PCDHGB7: variants seen among roughly 807,000 people sequenced by gnomAD.
PCDHGB7 encodes protocadherin gamma subfamily B, 7.
A neutral mutation model predicts 61.4 loss-of-function variants in PCDHGB7; 37 were observed. The ratio of observed to expected loss-of-function variants is 0.60; its 90% CI spans 0.46 to 0.79. The LOEUF is 0.79. Ranked by LOEUF, PCDHGB7 falls within the 30% of genes least tolerant of loss-of-function variation. PCDHGB7 has a pLI of 0.00. For synonymous variants in PCDHGB7, 464 were observed against 503.5 expected (o/e 0.92, Z 1.05); for missense variants, 1,166 against 1,202.5 (o/e 0.97, Z 0.45).
chr5:141,492,602 C>G (rs1352851783), intron 1 of PCDHGB7, among the ~76,000 whole-genome samples: 2 of 152,222 alleles, frequency 1.3e-5, no homozygotes, highest in Non-Finnish European at 2.9e-5. Flanking sequence ...GAGCGACTGC[C>G]GCTCTAAGTG....
rs745596534 is a variant in PCDHGB7 at position 141,419,738 on chromosome 5, C to T, written c.1879C>T (p.Arg627Cys). 1.2e-6 allele frequency: 2 copies of T among 1,613,796 alleles called. No individual in the cohort carries two copies. Among genetic ancestry groups the T allele is most frequent in the Non-Finnish European group, 1.7e-6 (2 of 1,179,856 alleles). ...CCTGGGGCTGCGAACAGGCGAGGTG[C>T]GCATGGTGCGTGCTTTGGGTGACAA... ...FSLGLRTGEVRMVRALGDKDS... is the reference protein window; with the variant it reads ...FSLGLRTGEVCMVRALGDKDS... The change falls in exon 1 of 4, where the codon CGC (arginine) becomes TGC (cysteine). Residue 627 changes from arginine (R) to cysteine (C), a missense_variant. By Grantham distance (180) the Arg-to-Cys change is radical (BLOSUM62 -3). Coordinates refer to ENST00000398594, the MANE Select transcript of PCDHGB7 (RefSeq NM_018927.4).
In PCDHGB7 at chr5:141,510,929, C is replaced by T. The variant is rs1238694958; in HGVS notation, c.2564-18C>T. The T allele has an allele frequency of 3.1e-6, 5 of 1,613,988 alleles. No homozygotes were observed. The highest frequency in any genetic ancestry group is 4.2e-6 in the Non-Finnish European group (5 of 1,179,988). On this transcript the variant is annotated intron_variant, in intron 3 of 3. Coordinates refer to ENST00000398594, the MANE Select transcript of PCDHGB7 (RefSeq NM_018927.4). ...ACCCTAAGTTTAGCTCCCACCTGAT[C>T]TTCCTCTGTCTCTGCAGAAGCTGCT...
chr5:141,464,655 G>T (rs1326749316), intron 1 of PCDHGB7, among the ~76,000 whole-genome samples: 1 of 152,070 alleles, frequency 6.6e-6, no homozygotes. Flanking sequence ...TGGGTAAAAA[G>T]ATATCTCCAA....
chr5:141,456,263 T>C (rs2098847567), intron 1 of PCDHGB7, among the ~76,000 whole-genome samples: 2 of 152,292 alleles, frequency 1.3e-5, no homozygotes, highest in South Asian at 2.1e-4. Flanking sequence ...CCATTGCTTC[T>C]GGCTACTTCC....
At chr5:141,430,261 A>T (rs1236197353) in intron 1 of PCDHGB7, among the ~76,000 whole-genome samples, 1 of 152,104 alleles carries the variant, frequency 6.6e-6, no homozygotes, top group African/African-American at 2.4e-5. Context: ...CATCTCCATA[A>T]TAGGTGTGTT....
At chr5:141,502,480 AC>A (rs145333712) in intron 2 of PCDHGB7, among the ~76,000 whole-genome samples, 7,822 of 152,242 alleles carry the variant, frequency 0.051, 439 homozygotes, top group African/African-American at 0.14. Flanking sequence ...GCAGCATCAC[AC>A]TGGGACTCAT....
intron 1 of PCDHGB7, among the ~76,000 whole-genome samples, chr5:141,430,357 T>C (rs1258305414): frequency 1.3e-5 from 2 of 149,904 alleles, no homozygotes; most frequent in Non-Finnish European, 3.0e-5. Context: ...ATTTAAAAGC[T>C]CATTGGGGAA....
At position 141,419,645 on chromosome 5, in the gene PCDHGB7, G is replaced by T; in HGVS notation, c.1786G>T (p.Ala596Ser). 1 of 1,612,478 alleles carries T rather than the reference G, an allele frequency of 6.2e-7. No individual in the cohort carries two copies. Among genetic ancestry groups the T allele is most frequent in the African/African-American group, 1.3e-5 (1 of 75,054 alleles). ...GGTGACCAAGGTGGTGGCCGTGGAC[G>T]CGGACTCGGGGCACAATGCCTGGCT... ...YLVTKVVAVD[A>S]DSGHNAWLSY... is the part of the protein sequence containing the mutation. The change falls in exon 1 of 4, where the codon GCG (alanine) becomes TCG (serine). Residue 596 changes from alanine to serine, a missense_variant. Coordinates refer to ENST00000398594, the MANE Select transcript of PCDHGB7 (RefSeq NM_018927.4).
intron 1 of PCDHGB7, chr5:141,478,803 T>G: frequency 2.1e-6 from 3 of 1,463,244 alleles, no homozygotes; most frequent in Non-Finnish European, 2.7e-6. Context: ...AGCACTCTTT[T>G]GCTATCACAA....
chr5:141,471,925 G>A (rs1371923375), intron 1 of PCDHGB7, among the ~76,000 whole-genome samples: 1 of 152,076 alleles, frequency 6.6e-6, no homozygotes, highest in Non-Finnish European at 1.5e-5. Flanking sequence ...AAATTTTGGG[G>A]GTGATGAGAG....
Position 141,418,310 on chromosome 5 carries a change from G to A in PCDHGB7, c.451G>A (p.Gly151Arg). Residue 151 changes from glycine to arginine, a missense_variant, in exon 1 of 4, where the codon GGA (glycine) becomes AGA (arginine). Gly to Arg is a moderately radical substitution (Grantham distance 125). Transcript: ENST00000398594. ...CAGTGAATCCGTCAGCCTGGGGATG[G>A]GAACAATTCTTGAGTCTGCAGAAGA... is the stretch of plus-strand genomic sequence containing the variant. ...EISESVSLGM[G>R]TILESAEDPD... 1 of 1,613,990 alleles carries A rather than the reference G, an allele frequency of 6.2e-7. No homozygotes were observed. The highest frequency in any genetic ancestry group is 8.5e-7 in the Non-Finnish European group (1 of 1,179,886).
rs532517723 is a variant in PCDHGB7, at chr5:141,486,244, A to G, written c.2416-8563A>G. The G allele has an allele frequency of 1.2e-5, 19 of 1,614,068 alleles. No homozygotes were observed. The Admixed American group carries it at 2.3e-4, about 20-fold the overall frequency. On this transcript the variant is annotated intron_variant, in intron 1 of 3. Coordinates refer to ENST00000398594, the MANE Select transcript of PCDHGB7 (RefSeq NM_018927.4). This position sits in a 1 kb window ranked among gnomAD's most constrained non-coding sequence, Gnocchi z 5.0. ...ACATCACAGTGACCTCAGAGCTTGGAACCCTCCCCGAGAGTGCAGAACCTG... is the reference window on the plus strand; with the variant it reads ...ACATCACAGTGACCTCAGAGCTTGGGACCCTCCCCGAGAGTGCAGAACCTG...
intron 1 of PCDHGB7, among the ~76,000 whole-genome samples, chr5:141,455,998 T>C (rs1301217416): frequency 2.6e-5 from 4 of 151,692 alleles, no homozygotes; most frequent in Non-Finnish European, 4.4e-5. Flanking sequence ...CTCGGGTTCA[T>C]GCCATTCTCC....
At chr5:141,475,889 T>C in intron 1 of PCDHGB7, 1 of 562,248 alleles carries the variant, frequency 1.8e-6, no homozygotes, top group Non-Finnish European at 3.1e-6. Context: ...GCTGGGACTC[T>C]GTGTGCCGCT....
intron 1 of PCDHGB7, chr5:141,433,097 G>C: frequency 6.2e-7 from 1 of 1,614,162 alleles, no homozygotes; most frequent in Non-Finnish European, 8.5e-7. Context: ...AGACATGCTC[G>C]TCAGCCAGGA....
At position 141,487,249 on chromosome 5, in the gene PCDHGB7, C is replaced by T. The variant is rs757148469; in HGVS notation, c.2416-7558C>T. ...AAGGAGAATCTCGTCTAACCCTCTACTTGGCTGTGTCCCTAGTGGCAATTT... is the reference window on the plus strand; with the variant it reads ...AAGGAGAATCTCGTCTAACCCTCTATTTGGCTGTGTCCCTAGTGGCAATTT... On this transcript the variant is annotated intron_variant, in intron 1 of 3. Coordinates refer to ENST00000398594, the MANE Select transcript of PCDHGB7 (RefSeq NM_018927.4). The surrounding 1 kb of genome is among the most constrained non-coding windows in gnomAD (Gnocchi z 5.0). 2.5e-6 allele frequency: 4 copies of T among 1,614,164 alleles called. No homozygotes were observed. In the South Asian group the frequency reaches 4.4e-5, roughly 18 times the overall value.
chr5:141,461,648 A>G (rs910827619), intron 1 of PCDHGB7, among the ~76,000 whole-genome samples: 2 of 152,070 alleles, frequency 1.3e-5, no homozygotes, highest in South Asian at 2.1e-4. Context: ...TCTTTGACCC[A>G]TGGATTATTT....
intron 2 of PCDHGB7, among the ~76,000 whole-genome samples, chr5:141,499,528 G>T (rs961802549): frequency 1.3e-5 from 2 of 152,142 alleles, no homozygotes; most frequent in African/African-American, 2.4e-5. Context: ...AAAGTAGAGA[G>T]AATGGTGTCA....
At chr5:141,501,402 G>T (rs527659990) in intron 2 of PCDHGB7, among the ~76,000 whole-genome samples, 1 of 151,622 alleles carries the variant, frequency 6.6e-6, no homozygotes, top group African/African-American at 2.4e-5. Context: ...ACAGGCCACT[G>T]CTTGGAAAAT....
Sources: gnomAD v4.1 joint callset for allele counts (sites outside exome capture counted in the v4.1 genomes callset) on GRCh38, gnomAD v4.1.1 for gene constraint, Gnocchi (gnomAD v3.1) non-coding constraint, MANE v1.5 for transcripts, NCBI Gene and HGNC (gene_info 2026-07-23, HGNC 2026-07-21) for gene names.